Variants in AGRN observed in about 807,000 individuals in gnomAD.
The protein encoded by AGRN is agrin.
AGRN carries 106 observed loss-of-function variants against 211.0 expected under a neutral mutation model. The ratio of observed to expected loss-of-function variants is 0.50; its 90% confidence interval spans 0.43 to 0.59. The LOEUF (loss-of-function observed/expected upper bound fraction) is 0.59, where lower values mean the gene tolerates loss of function less well. AGRN is among the 20% of genes least tolerant of loss of function. AGRN has a pLI of 0.00. For synonymous variants in AGRN, 1,525 were observed against 1,332.5 expected (o/e 1.14, Z -3.15); for missense variants, 3,040 against 2,982.6 (o/e 1.02, Z -0.45).
In AGRN at chr1:1,046,201, G is replaced by A. The variant is rs1645087606; in HGVS notation, c.2847G>A (p.Gln949=). ...SDGVTYGNEC[Q]LKTIACRQGL... ...GAGTCACATACGGCAACGAGTGTCA[G>A]CTGAAGACCATCGCCTGCCGCCAGG... The change falls in exon 17 of 36, where the codon CAG becomes CAA. Residue 949 remains glutamine, a synonymous_variant. Transcript: ENST00000379370. 2 of 1,613,648 alleles carry A rather than the reference G, an allele frequency of 1.2e-6. No individual in the cohort carries two copies. The highest frequency in any genetic ancestry group is 1.7e-6 in the Non-Finnish European group (2 of 1,180,002).
intron 28 of AGRN, 25 bp downstream of exon 28, chr1:1,050,354 A>T (rs1359005151): frequency 6.2e-7 from 1 of 1,612,566 alleles, no homozygotes; most frequent in Admixed American, 1.7e-5. Context: ...AGCAGGGGGA[A>T]GGGCCGGCCC....
rs1335468179 is a variant in AGRN at position 1,031,619 on chromosome 1, G to GC, written c.464-3652dup. ...TCCAGTGTCGGCCTGGGGCAGCCAG[G>GC]CCCCCCACGTGACTTTCAGCTTGTT... On this transcript the variant is annotated intron_variant, in intron 2 of 35. Transcript: ENST00000379370. This position sits in a 1 kb window ranked among gnomAD's most constrained non-coding sequence, Gnocchi z 4.8. Among the ~76,000 whole-genome samples, 1 of 152,158 alleles carries GC rather than the reference G, an allele frequency of 6.6e-6. No individual in the cohort carries two copies. The highest frequency in any genetic ancestry group is 2.4e-5 in the African/African-American group (1 of 41,444).
chr1:1,020,769 G>A (rs1459711071), intron 1 of AGRN, among the ~76,000 whole-genome samples: 4 of 150,668 alleles, frequency 2.7e-5, no homozygotes, highest in Admixed American at 6.6e-5. Context: ...GGGCGAGAGG[G>A]GTTGGTCAGG....
intron 2 of AGRN, among the ~76,000 whole-genome samples, chr1:1,028,386 G>A (rs1367014657): frequency 7.4e-6 from 1 of 135,532 alleles, no homozygotes; most frequent in Non-Finnish European, 1.5e-5. Context: ...CTCCACGCCA[G>A]CTGTTTTCCT....
At chr1:1,035,639 G>C (rs1644786398) in intron 3 of AGRN, among the ~76,000 whole-genome samples, 1 of 152,244 alleles carries the variant, frequency 6.6e-6, no homozygotes, top group Admixed American at 6.5e-5. Flanking sequence ...GGCAGGGCCA[G>C]AGTCCGGTCA....
At position 1,041,534 on chromosome 1, in the gene AGRN, A is replaced by G. The variant is rs761043248; in HGVS notation, c.1009A>G (p.Thr337Ala). 7 of 1,604,912 alleles carry G rather than the reference A, an allele frequency of 4.4e-6. No homozygotes were observed. Among genetic ancestry groups the G allele is most frequent in the Middle Eastern group, 1.7e-4 (1 of 6,058 alleles). Residue 337 changes from threonine (T) to alanine (A), a missense_variant, in exon 6 of 36, where the codon ACG becomes GCG. By Grantham distance (58) the Thr-to-Ala change is moderately conservative. This residue lies in a region of AGRN where 1,498 missense variants were observed against 1,457.8 expected (regional missense o/e 1.03). Coordinates refer to ENST00000379370, the MANE Select transcript of AGRN (RefSeq NM_198576.4). ...CCGCAGCTGCCGTGTGAACCCGCGC[A>G]CGCGGCGCCCTGAGATGCTCCTACG... ...PSRSCRVNPR[T>A]RRPEMLLRPE...
chr1:1,051,145 C>A, intron 30 of AGRN, 108 bp from the exon 31 acceptor site: 1 of 1,518,494 alleles, frequency 6.6e-7, no homozygotes, highest in Middle Eastern at 1.7e-4. Context: ...ATTAACGCTG[C>A]CCCCTAGATA....
chr1:1,027,475 G>A (rs543428768), intron 2 of AGRN, among the ~76,000 whole-genome samples: 3 of 152,268 alleles, frequency 2.0e-5, no homozygotes, highest in East Asian at 1.9e-4. Flanking sequence ...CACGTGTCTC[G>A]CCTCAGCTTG....
In AGRN at chr1:1,031,997, A is replaced by G. The variant is rs1451786024; in HGVS notation, c.464-3280A>G. 2.0e-5 allele frequency among the ~76,000 whole-genome samples: 3 copies of G among 152,142 alleles called. No homozygotes were observed. Among genetic ancestry groups the G allele is most frequent in the Non-Finnish European group, 4.4e-5 (3 of 68,026 alleles). ...CTGGGTCACACCCTGCGCTGGGGAGATAAAAAGTCAGACCCTGCCCGGGGC... is the reference window on the plus strand; with the variant it reads ...CTGGGTCACACCCTGCGCTGGGGAGGTAAAAAGTCAGACCCTGCCCGGGGC... On this transcript the variant is annotated intron_variant, in intron 2 of 35. Coordinates refer to ENST00000379370, the MANE Select transcript of AGRN (RefSeq NM_198576.4). The surrounding 1 kb of genome is among the most constrained non-coding windows in gnomAD (Gnocchi z 4.8).
rs933957211 is a variant in AGRN at position 1,050,843 on chromosome 1, T to C, written c.5253+6T>C. 22 of 1,557,164 alleles carry C rather than the reference T, an allele frequency of 1.4e-5. No individual in the cohort carries two copies. In the African/African-American group the frequency reaches 2.3e-4, roughly 16 times the overall value. On this transcript the variant is annotated splice_donor_region_variant and intron_variant, in intron 30 of 35. Transcript: ENST00000379370. ...GTGTGTTGGGGGAGTCCCCGGTGAG[T>C]GCTCTGGGCCGCGAGGGGACTCCCG...
Position 1,022,441 on chromosome 1 carries a change from G to A in AGRN, c.442G>A (p.Glu148Lys), listed in dbSNP as rs764021577. ...GCGGATCACCCTGCGGAACCTGGAG[G>A]AGGTGGAGTTCTGTGTGGAAGGTGC... is the stretch of plus-strand genomic sequence containing the variant. ...LMRITLRNLE[E>K]VEFCVEDKPG... The change falls in exon 2 of 36, where the codon GAG becomes AAG. Residue 148 changes from glutamate (E) to lysine (K), a missense_variant. Glu to Lys is a moderately conservative substitution (Grantham distance 56, BLOSUM62 1). This residue lies in a region of AGRN where 1,498 missense variants were observed against 1,457.8 expected (regional missense o/e 1.03). Transcript: ENST00000379370. The A allele has an allele frequency of 2.5e-6, 4 of 1,611,792 alleles. No individual in the cohort carries two copies. The highest frequency in any genetic ancestry group is 1.1e-5 in the South Asian group (1 of 91,064).
chr1:1,049,133 G>T (rs1645195464), intron 24 of AGRN, 74 bp downstream of exon 24: 3 of 917,652 alleles, frequency 3.3e-6, no homozygotes, highest in South Asian at 1.9e-5. Context: ...GGGGGGCCGG[G>T]GCAGCTCAGG....
At chr1:1,047,499 C>T (rs964706348) in intron 20 of AGRN, 45 bp downstream of exon 20, 2 of 1,612,812 alleles carry the variant, frequency 1.2e-6, no homozygotes, top group Non-Finnish European at 8.5e-7. Context: ...GCCTTCCTCC[C>T]CAGATACCCA....
At chr1:1,035,147 C>T (rs1291478362) in intron 2 of AGRN, 130 bp from the exon 3 acceptor site, 3 of 1,069,830 alleles carry the variant, frequency 2.8e-6, no homozygotes, top group Non-Finnish European at 4.2e-6. Flanking sequence ...CCTTCAGCAG[C>T]CTGGATCCCT....
Position 1,044,376 on chromosome 1 carries a change from C to T in AGRN, c.2191C>T (p.Leu731=). Residue 731 remains leucine (L), a synonymous_variant, in exon 12 of 36, where the codon CTG becomes TTG. Transcript: ENST00000379370. ...DGVTYSTECE[L]KKARCESQRG... ...GGTCACCTACAGCACCGAGTGTGAG[C>T]TGAAGAAGGCCAGGTGTGAGTCACA... is the stretch of plus-strand genomic sequence containing the variant. 3 of 1,612,756 alleles carry T rather than the reference C, an allele frequency of 1.9e-6. No individual in the cohort carries two copies. The highest frequency in any genetic ancestry group is 2.5e-6 in the Non-Finnish European group (3 of 1,179,826).
At chr1:1,038,015 G>T (rs951883421) in intron 3 of AGRN, among the ~76,000 whole-genome samples, 1 of 152,138 alleles carries the variant, frequency 6.6e-6, no homozygotes, top group African/African-American at 2.4e-5. Context: ...AGCGGAGAAT[G>T]GGGGGGTGGG....
In AGRN at chr1:1,048,255, C is replaced by T. The variant is rs539033524; in HGVS notation, c.3995C>T (p.Pro1332Leu). 3.2e-6 allele frequency: 5 copies of T among 1,541,074 alleles called. No individual in the cohort carries two copies. The highest frequency in any genetic ancestry group is 2.4e-5 in the East Asian group (1 of 41,394). Residue 1332 changes from proline to leucine, a missense_variant, in exon 23 of 36, where the codon CCC (proline) becomes CTC (leucine). Pro to Leu is a moderately conservative substitution (Grantham distance 98, BLOSUM62 -3). This residue lies in a region of AGRN where 1,537 missense variants were observed against 1,505.0 expected (regional missense o/e 1.02). Transcript: ENST00000379370. This position sits in a 1 kb window ranked among gnomAD's most constrained non-coding sequence, Gnocchi z 5.9. The stretch of plus-strand genomic sequence containing the variant: ...CCGGCCCCCCAGCAGCCTCCAAAGC[C>T]CTGTGACTCACAGCCCTGCTTCCAC... ...RPPAPQQPPK[P>L]CDSQPCFHGG... is the part of the protein sequence containing the mutation.
chr1:1,035,352 G>C (rs1293806312), intron 3 of AGRN, 28 bp downstream of exon 3: 2 of 1,612,808 alleles, frequency 1.2e-6, no homozygotes, highest in East Asian at 2.2e-5. Context: ...CGGGGGACCT[G>C]GATGGGCTGT....
chr1:1,053,562 T>A, intron 33 of AGRN, 191 bp from the exon 34 acceptor site: 1 of 1,520,952 alleles, frequency 6.6e-7, no homozygotes, highest in Non-Finnish European at 8.8e-7. Flanking sequence ...GTCTCTCTGA[T>A]CTCTCTCTGC....
Sources: gnomAD v4.1 joint callset for allele counts (sites outside exome capture counted in the v4.1 genomes callset) on GRCh38, gnomAD v4.1.1 for gene constraint, gnomAD v4.1.1 regional missense constraint, Gnocchi (gnomAD v3.1) non-coding constraint, MANE v1.5 for transcripts, NCBI Gene and HGNC (gene_info 2026-07-23, HGNC 2026-07-21) for gene names.